CDH13: variants seen among roughly 807,000 people sequenced by gnomAD.
CDH13 encodes the protein cadherin 13, also known as cadherin-13.
CDH13 carries 24 observed loss-of-function variants against 63.8 expected under a neutral mutation model. The ratio of observed to expected loss-of-function variants is 0.38; its 90% CI spans 0.27 to 0.53. The LOEUF (loss-of-function observed/expected upper bound fraction) is 0.53. Among genes scored for constraint, CDH13 ranks in the 20% least tolerant of loss-of-function variants. CDH13 has a pLI of 0.85. For missense variants in CDH13, 1,049 were observed against 903.1 expected, an observed-to-expected ratio of 1.16 and a Z score of -2.07; for synonymous variants, 503 against 355.3, an observed-to-expected ratio of 1.42 and a Z score of -4.67.
intron 8 of CDH13, among the ~76,000 whole-genome samples, chr16:83,660,757 A>G (rs1005281855): frequency 8.5e-5 from 13 of 152,230 alleles, no homozygotes; most frequent in African/African-American, 3.1e-4. Context: ...TGGTGGTCAA[A>G]TGAGTATCTC....
At chr16:83,579,341 G>C (rs1905329355) in intron 7 of CDH13, among the ~76,000 whole-genome samples, 1 of 152,186 alleles carries the variant, frequency 6.6e-6, no homozygotes, top group African/African-American at 2.4e-5. Flanking sequence ...AATATATAAA[G>C]AAAAGAGGTT....
chr16:83,678,068 G>T, intron 9 of CDH13, 140 bp from the exon 10 acceptor site: 1 of 684,492 alleles, frequency 1.5e-6, no homozygotes, highest in South Asian at 2.3e-5. Flanking sequence ...TAGCCCCCCA[G>T]TTACACAGGC....
chr16:83,027,224 G>T (rs1183773684), intron 2 of CDH13, among the ~76,000 whole-genome samples: 1 of 151,166 alleles, frequency 6.6e-6, no homozygotes, highest in East Asian at 2.0e-4. Context: ...AAAACATGCT[G>T]TTCATTGCTG....
chr16:83,544,764 T>C (rs1217582938), intron 7 of CDH13, among the ~76,000 whole-genome samples: 2 of 152,210 alleles, frequency 1.3e-5, no homozygotes, highest in East Asian at 3.9e-4. Flanking sequence ...GGGCAAGGGA[T>C]TTAACCCTCA....
At chr16:83,649,544 T>C (rs1233386072) in intron 8 of CDH13, among the ~76,000 whole-genome samples, 2 of 151,892 alleles carry the variant, frequency 1.3e-5, no homozygotes, top group Non-Finnish European at 2.9e-5. Context: ...GAGAAATAAG[T>C]TGATGTGCAG....
At chr16:83,497,332 T>TA (rs1193326687) in intron 7 of CDH13, among the ~76,000 whole-genome samples, 1 of 151,766 alleles carries the variant, frequency 6.6e-6, no homozygotes, top group Non-Finnish European at 1.5e-5. Context: ...TATGCAGCCA[T>TA]AAAAAAGGAT....
chr16:83,636,521 C>A (rs1481177904), intron 8 of CDH13, among the ~76,000 whole-genome samples: 1 of 152,122 alleles, frequency 6.6e-6, no homozygotes, highest in African/African-American at 2.4e-5. Flanking sequence ...TCACTTCGGA[C>A]TGAGAACCTG....
intron 11 of CDH13, among the ~76,000 whole-genome samples, chr16:83,765,430 T>C (rs1169218664): frequency 1.3e-5 from 2 of 152,212 alleles, no homozygotes; most frequent in African/African-American, 4.8e-5. Context: ...ATTATGTGGA[T>C]AATTGCTTCA....
chr16:83,021,468 A>G (rs1046902710), intron 2 of CDH13, among the ~76,000 whole-genome samples: 13 of 152,328 alleles, frequency 8.5e-5, no homozygotes, highest in African/African-American at 3.1e-4. Flanking sequence ...ACAAAGATTC[A>G]AAGCTAACGG....
At position 83,473,074 on chromosome 16, in the gene CDH13, T is replaced by G. The variant is rs116434719; in HGVS notation, c.782-13403T>G. 4.9e-3 allele frequency among the ~76,000 whole-genome samples: 739 copies of G among 152,318 alleles called. 12 individuals are homozygous for G. Among genetic ancestry groups the G allele is most frequent in the African/African-American group, 0.017 (698 of 41,574 alleles). ...CCAGACAGTCCAGAAGGCCCCCTCT[T>G]AGATCTCAATCCCAGCGCATTTAAT... On this transcript the variant is annotated intron_variant, in intron 6 of 13. Transcript: ENST00000567109.
chr16:83,388,979 G>A (rs542991594), intron 6 of CDH13, among the ~76,000 whole-genome samples: 9 of 152,222 alleles, frequency 5.9e-5, no homozygotes, highest in Admixed American at 2.0e-4. Flanking sequence ...TGACCAGGGC[G>A]CTTGTGAAAA....
chr16:83,421,573 T>G (rs1413553841), intron 6 of CDH13, among the ~76,000 whole-genome samples: 2 of 152,226 alleles, frequency 1.3e-5, no homozygotes, highest in African/African-American at 4.8e-5. Flanking sequence ...GAGAGAAGAT[T>G]CATGATCTTT....
chr16:82,962,550 G>C (rs970430652), intron 2 of CDH13, among the ~76,000 whole-genome samples: 1 of 152,184 alleles, frequency 6.6e-6, no homozygotes, highest in Non-Finnish European at 1.5e-5. Context: ...AGAAGGGATA[G>C]GATGCATGCA....
chr16:83,766,156 T>G (rs886190210), intron 11 of CDH13, among the ~76,000 whole-genome samples: 1 of 152,214 alleles, frequency 6.6e-6, no homozygotes, highest in Non-Finnish European at 1.5e-5. Flanking sequence ...CACCCTGTTC[T>G]GAGTCCCAGC....
At chr16:83,539,427 C>A (rs1174038471) in intron 7 of CDH13, among the ~76,000 whole-genome samples, 2 of 152,158 alleles carry the variant, frequency 1.3e-5, no homozygotes, top group Non-Finnish European at 1.5e-5. Context: ...CATGGACCAG[C>A]ACTGGTGTGT....
At chr16:83,169,713 C>T (rs2037842381) in intron 4 of CDH13, among the ~76,000 whole-genome samples, 1 of 152,000 alleles carries the variant, frequency 6.6e-6, no homozygotes, top group Non-Finnish European at 1.5e-5. Flanking sequence ...TGTTTGTTGC[C>T]TTTCTTTTAT....
intron 8 of CDH13, among the ~76,000 whole-genome samples, chr16:83,663,719 G>A (rs895292731): frequency 6.6e-6 from 1 of 152,140 alleles, no homozygotes; most frequent in African/African-American, 2.4e-5. Flanking sequence ...AGTTCTTTCT[G>A]TTCATGGTTA....
At chr16:82,769,654 G>C (rs2035187095) in intron 1 of CDH13, among the ~76,000 whole-genome samples, 1 of 152,182 alleles carries the variant, frequency 6.6e-6, no homozygotes, top group Non-Finnish European at 1.5e-5. Context: ...TGATTGAGGA[G>C]GATAGGAGCA....
At position 83,120,778 on chromosome 16, in the gene CDH13, TTC is replaced by T. The variant is rs200311748; in HGVS notation, c.367-4605_367-4604del. 5.0e-3 allele frequency among the ~76,000 whole-genome samples: 316 copies of T among 63,020 alleles called. 16 individuals are homozygous for T. Among genetic ancestry groups the T allele is most frequent in the Admixed American group, 8.1e-3 (34 of 4,182 alleles). The allele number at this position is 63,020 out of a possible 152,430, so 41.3% of individuals were successfully genotyped here. ...AATTTTCTTTCTTTTTTTTTTTTTT[TTC>T]TGAGATGGAGTCTCACCGTGTCACC... is the stretch of plus-strand genomic sequence containing the variant. On this transcript the variant is annotated intron_variant, in intron 3 of 13. Coordinates refer to ENST00000567109, the MANE Select transcript of CDH13 (RefSeq NM_001257.5).
Sources: gnomAD v4.1 joint callset for allele counts (sites outside exome capture counted in the v4.1 genomes callset) on GRCh38, gnomAD v4.1.1 for gene constraint, MANE v1.5 for transcripts, NCBI Gene and HGNC (gene_info 2026-07-23, HGNC 2026-07-21) for gene names.